ACACA: variants seen among roughly 807,000 people sequenced by gnomAD.
ACACA encodes the protein acetyl-CoA carboxylase alpha, also known as acetyl-CoA carboxylase 1.
A neutral mutation model predicts 296.1 loss-of-function variants in ACACA; 103 were observed. That is an observed-to-expected ratio of 0.35 (90% CI 0.30 to 0.41). The LOEUF is 0.41. Among genes scored for constraint, ACACA ranks in the 10% least tolerant of loss-of-function variants. ACACA has a pLI of 1.00. For synonymous variants in ACACA, 953 were observed against 1,038.6 expected, an observed-to-expected ratio of 0.92 and a Z score of 1.58; for missense variants, 1,554 against 2,989.7, an observed-to-expected ratio of 0.52 and a Z score of 11.20.
chr17:37,132,358 G>T (rs2075139171), intron 45 of ACACA, among the ~76,000 whole-genome samples: 1 of 152,168 alleles, frequency 6.6e-6, no homozygotes, highest in African/African-American at 2.4e-5. Context: ...AAAGCAGTCT[G>T]TTGATGCGGG....
At chr17:37,379,008 G>C in intron 1 of ACACA, 1 of 1,150,376 alleles carries the variant, frequency 8.7e-7, no homozygotes, top group East Asian at 2.6e-5. Flanking sequence ...GGAGTTTGAG[G>C]CTGGAGTGAG....
chr17:37,157,266 G>A (rs1245508836), intron 42 of ACACA, among the ~76,000 whole-genome samples: 2 of 152,184 alleles, frequency 1.3e-5, no homozygotes, highest in African/African-American at 4.8e-5. Flanking sequence ...TAGGTAGAAG[G>A]AGCAGCAAGT....
chr17:37,314,519 T>A (rs1460105692), intron 3 of ACACA, among the ~76,000 whole-genome samples: 2 of 152,124 alleles, frequency 1.3e-5, no homozygotes, highest in Admixed American at 6.6e-5. Context: ...AAAAAGTGCT[T>A]CTTGGCTCAG....
At chr17:37,377,659 C>CAATA (rs140365002) in intron 1 of ACACA, among the ~76,000 whole-genome samples, 12,935 of 143,514 alleles carry the variant, frequency 0.09, 617 homozygotes, top group African/African-American at 0.097. Flanking sequence ...GACTCCGTCT[C>CAATA]AATAAATAAA....
At chr17:37,211,368 G>A (rs535458602) in intron 29 of ACACA, among the ~76,000 whole-genome samples, 2 of 152,184 alleles carry the variant, frequency 1.3e-5, no homozygotes, top group East Asian at 3.9e-4. Flanking sequence ...AAACTACAAG[G>A]CACATCTCCC....
rs940135766 is a variant in ACACA, at chr17:37,124,131, T to C, written c.6042-1504A>G. Among the ~76,000 whole-genome samples, 15 of 152,330 alleles carry C rather than the reference T, an allele frequency of 9.8e-5. No individual in the cohort carries two copies. The East Asian group carries it at 2.9e-3, about 29-fold the overall frequency. On this transcript the variant is annotated intron_variant, in intron 48 of 55. Transcript: ENST00000616317. ...ACTTACAGTAACAATCCCAGACGAATACATTTATATTTATTTCTTGAAATG... is the reference window on the plus strand; with the variant it reads ...ACTTACAGTAACAATCCCAGACGAACACATTTATATTTATTTCTTGAAATG...
At chr17:37,207,992 CTAAA>C (rs2078583739) in intron 30 of ACACA, among the ~76,000 whole-genome samples, 192 bp from the exon 31 acceptor site, 1 of 152,026 alleles carries the variant, frequency 6.6e-6, no homozygotes, top group Non-Finnish European at 1.5e-5. Context: ...TTGAATTTCC[CTAAA>C]TAAACTATAT....
intron 18 of ACACA, 108 bp from the exon 19 acceptor site, chr17:37,247,084 TAC>T (rs1366674830): frequency 2.6e-5 from 31 of 1,195,908 alleles, no homozygotes; most frequent in Middle Eastern, 1.9e-4. Flanking sequence ...AACTTTATTA[TAC>T]ACACACACAG....
chr17:37,317,607 T>C (rs996150482), intron 3 of ACACA, among the ~76,000 whole-genome samples: 1 of 152,316 alleles, frequency 6.6e-6, no homozygotes, highest in African/African-American at 2.4e-5. Flanking sequence ...ATAATAAACC[T>C]ACATTACTTC....
At chr17:37,169,339 C>T (rs1181245542) in intron 41 of ACACA, among the ~76,000 whole-genome samples, 1 of 152,184 alleles carries the variant, frequency 6.6e-6, no homozygotes, top group Admixed American at 6.5e-5. Context: ...GAATTTGATA[C>T]TGGAAATGGT....
chr17:37,389,003 C>T (rs1430946684), intron 1 of ACACA, among the ~76,000 whole-genome samples: 1 of 152,134 alleles, frequency 6.6e-6, no homozygotes, highest in African/African-American at 2.4e-5. Flanking sequence ...ATGATATTTG[C>T]CTCTCATGGT....
At chr17:37,119,931 C>G (rs1298698847) in intron 50 of ACACA, among the ~76,000 whole-genome samples, 4 of 136,462 alleles carry the variant, frequency 2.9e-5, no homozygotes, top group Admixed American at 1.6e-4. Flanking sequence ...CTTGCTCTGT[C>G]GCCCAGGCTG....
chr17:37,184,788 G>A (rs554200767), intron 39 of ACACA, among the ~76,000 whole-genome samples: 119 of 150,638 alleles, frequency 7.9e-4, no homozygotes, highest in Admixed American at 3.1e-3. Context: ...GGTCGAGGCT[G>A]TGGTCAGCTA....
chr17:37,095,852 T>C (rs2142674774), intron 54 of ACACA, among the ~76,000 whole-genome samples: 1 of 152,334 alleles, frequency 6.6e-6, no homozygotes, highest in African/African-American at 2.4e-5. Flanking sequence ...TGGAGTGACT[T>C]ATGCAGCCCA....
intron 42 of ACACA, among the ~76,000 whole-genome samples, chr17:37,157,975 T>C (rs991208874): frequency 1.3e-5 from 2 of 152,158 alleles, no homozygotes; most frequent in African/African-American, 4.8e-5. Context: ...AGTAAGTAGC[T>C]GTGGAATTTG....
At chr17:37,245,673 C>T (rs1000316258) in intron 19 of ACACA, among the ~76,000 whole-genome samples, 4 of 152,108 alleles carry the variant, frequency 2.6e-5, no homozygotes, top group African/African-American at 4.8e-5. Context: ...CTTCGGTTTA[C>T]GCCTTCTTCA....
chr17:37,222,173 T>C (rs1165255547), intron 28 of ACACA: 1 of 357,344 alleles, frequency 2.8e-6, no homozygotes, highest in Non-Finnish European at 5.3e-6. Flanking sequence ...ATTAATCTAT[T>C]AAGCATGATC....
chr17:37,161,682 G>T, intron 42 of ACACA, 99 bp downstream of exon 42: 1 of 1,388,400 alleles, frequency 7.2e-7, no homozygotes, highest in Non-Finnish European at 9.9e-7. Context: ...TACCATAAGT[G>T]GTGATTTTTG....
At chr17:37,288,227 A>G (rs909255204) in intron 3 of ACACA, among the ~76,000 whole-genome samples, 2 of 151,892 alleles carry the variant, frequency 1.3e-5, no homozygotes, top group African/African-American at 4.8e-5. Flanking sequence ...ATTCTTTTTA[A>G]TTTTTTTATT....
Sources: gnomAD v4.1 joint callset for allele counts (sites outside exome capture counted in the v4.1 genomes callset) on GRCh38, gnomAD v4.1.1 for gene constraint, MANE v1.5 for transcripts, NCBI Gene and HGNC (gene_info 2026-07-23, HGNC 2026-07-21) for gene names.